The following LRRK2 variants were observed in gnomAD, a reference collection of about 807,000 sequenced individuals.
LRRK2 encodes leucine rich repeat kinase 2.
LRRK2 carries 203 observed loss-of-function variants against 302.6 expected under a neutral mutation model. The ratio of observed to expected loss-of-function variants is 0.67; its 90% CI spans 0.60 to 0.75. The LOEUF is 0.75. Among genes scored for constraint, LRRK2 ranks in the 30% least tolerant of loss-of-function variants. The pLI is 0.00. For synonymous variants in LRRK2, 1,066 were observed against 1,031.9 expected (o/e 1.03, Z -0.63); for missense variants, 2,830 against 2,951.0 (o/e 0.96, Z 0.95).
At chr12:40,292,028 A>C (rs997825540) in intron 20 of LRRK2, among the ~76,000 whole-genome samples, 1 of 152,086 alleles carries the variant, frequency 6.6e-6, no homozygotes, top group Non-Finnish European at 1.5e-5. Flanking sequence ...TTTCTAGCGC[A>C]GATCTTCCAG....
intron 4 of LRRK2, among the ~76,000 whole-genome samples, chr12:40,235,926 TTC>T (rs1941445189): frequency 6.6e-6 from 1 of 152,062 alleles, no homozygotes; most frequent in Admixed American, 6.5e-5. Context: ...CCAAAATTCT[TTC>T]TGTTTCCATC....
chr12:40,309,800 T>C (rs1157851786), intron 30 of LRRK2, among the ~76,000 whole-genome samples: 1 of 152,218 alleles, frequency 6.6e-6, no homozygotes, highest in Non-Finnish European at 1.5e-5. Context: ...GATGCTGCAA[T>C]GAACTCTTCT....
Position 40,257,387 on chromosome 12 carries a change from A to T in LRRK2, c.1418+10A>T. 1 of 1,611,428 alleles carries T rather than the reference A, an allele frequency of 6.2e-7. No homozygotes were observed. The highest frequency in any genetic ancestry group is 1.1e-5 in the South Asian group (1 of 91,044). On this transcript the variant is annotated intron_variant, in intron 12 of 50. Coordinates refer to ENST00000298910, the MANE Select transcript of LRRK2 (RefSeq NM_198578.4). Reference sequence around the variant, plus strand: ...ATCTTTTTGAAGGAAGGTAATATAGATTCATTAACTTGTACAGAATATATC... The same window carrying T: ...ATCTTTTTGAAGGAAGGTAATATAGTTTCATTAACTTGTACAGAATATATC...
intron 20 of LRRK2, among the ~76,000 whole-genome samples, chr12:40,292,123 C>CT (rs1944182247): frequency 1.3e-5 from 2 of 152,174 alleles, no homozygotes; most frequent in South Asian, 4.1e-4. Flanking sequence ...ATGTTGATCT[C>CT]TATCTCCTCA....
Position 40,322,186 on chromosome 12 carries a change from G to A in LRRK2, c.5317+5G>A, listed in dbSNP as rs766894342. 8.7e-6 allele frequency: 14 copies of A among 1,608,122 alleles called. No homozygotes were observed. The highest frequency in any genetic ancestry group is 1.3e-5 in the African/African-American group (1 of 74,480). On this transcript the variant is annotated splice_donor_5th_base_variant and intron_variant, in intron 36 of 50. Transcript: ENST00000298910. The stretch of plus-strand genomic sequence containing the variant: ...CAGTTCCTTCTTGTAGAAAAGGTAA[G>A]GAAATCAATTTGAATGTTTTCAATT...
At chr12:40,228,433 CTTTTTTT>C (rs35333613) in intron 2 of LRRK2, among the ~76,000 whole-genome samples, 1,222 of 19,368 alleles carry the variant, frequency 0.063, 29 homozygotes, top group Middle Eastern at 0.25. Flanking sequence ...AAAAATAAGA[CTTTTTTT>C]TTTTTTTTTT....
chr12:40,246,788 T>C (rs1413976318), intron 7 of LRRK2, among the ~76,000 whole-genome samples: 2 of 152,166 alleles, frequency 1.3e-5, no homozygotes, highest in Admixed American at 1.3e-4. Flanking sequence ...TGAAACTGGT[T>C]TGTTGAATGC....
intron 2 of LRRK2, 141 bp downstream of exon 2, chr12:40,225,781 G>A (rs910419502): frequency 3.4e-5 from 25 of 724,784 alleles, no homozygotes; most frequent in Middle Eastern, 4.6e-4. Flanking sequence ...TTTTAAGATG[G>A]GAATATTGTT....
At chr12:40,283,630 T>A (rs1205143199) in intron 18 of LRRK2, among the ~76,000 whole-genome samples, 1 of 152,218 alleles carries the variant, frequency 6.6e-6, no homozygotes, top group Non-Finnish European at 1.5e-5. Flanking sequence ...TTTGTCTCCA[T>A]ATAATGTTGT....
intron 39 of LRRK2, among the ~76,000 whole-genome samples, chr12:40,331,498 A>C (rs111608018): frequency 5.3e-4 from 81 of 152,204 alleles, no homozygotes; most frequent in Non-Finnish European, 1.1e-3. Flanking sequence ...AGGGTGTCCA[A>C]TCTTTTGGCT....
Position 40,328,498 on chromosome 12 carries a change from A to G in LRRK2, c.5757+38A>G, listed in dbSNP as rs1219281269. 8 of 1,428,130 alleles carry G rather than the reference A, an allele frequency of 5.6e-6. No individual in the cohort carries two copies. The African/African-American group carries it at 8.6e-5, about 15-fold the overall frequency. The allele number at this position is 1,428,130 out of a possible 1,614,324, so 88.5% of individuals were successfully genotyped here. On this transcript the variant is annotated intron_variant, in intron 39 of 50. Transcript: ENST00000298910. Reference sequence around the variant, plus strand: ...ATAATATAATTATATTAAATTGCACATTATTAATCTACTGGAACTCTTATT... The same window carrying G: ...ATAATATAATTATATTAAATTGCACGTTATTAATCTACTGGAACTCTTATT...
At chr12:40,352,674 T>C (rs1946392373) in intron 44 of LRRK2, among the ~76,000 whole-genome samples, 1 of 148,974 alleles carries the variant, frequency 6.7e-6, no homozygotes, top group South Asian at 2.2e-4. Context: ...TTAACGAGCA[T>C]GCTGCCTTCA....
At chr12:40,328,562 T>C in intron 39 of LRRK2, 102 bp downstream of exon 39, 1 of 872,018 alleles carries the variant, frequency 1.1e-6, no homozygotes, top group Non-Finnish European at 1.8e-6. Context: ...ATGACCACAT[T>C]TCTACTTAAG....
intron 45 of LRRK2, among the ~76,000 whole-genome samples, chr12:40,355,016 A>G (rs191562174): frequency 2.6e-5 from 4 of 152,174 alleles, no homozygotes; most frequent in Non-Finnish European, 4.4e-5. Flanking sequence ...ATATATCTAC[A>G]TAGCAAAATT....
rs1021943427 is a variant in LRRK2 at position 40,355,163 on chromosome 12, T to G, written c.6770+671T>G. Among the ~76,000 whole-genome samples the G allele has an allele frequency of 7.2e-5, 11 of 152,100 alleles. No homozygotes were observed. The East Asian group carries it at 1.9e-3, about 27-fold the overall frequency. ...AAGTACTAGAAAAATGTGAAGCCTGTTTTTTGTACCTGAAATATCAACTCC... is the reference window on the plus strand; with the variant it reads ...AAGTACTAGAAAAATGTGAAGCCTGGTTTTTGTACCTGAAATATCAACTCC... On this transcript the variant is annotated intron_variant, in intron 45 of 50. Transcript: ENST00000298910.
At chr12:40,342,786 A>G (rs1946084421) in intron 41 of LRRK2, among the ~76,000 whole-genome samples, 1 of 152,222 alleles carries the variant, frequency 6.6e-6, no homozygotes, top group South Asian at 2.1e-4. Flanking sequence ...GAGAAACAAA[A>G]GACGATGGAT....
Position 40,263,793 on chromosome 12 carries a change from G to A in LRRK2, c.1548G>A (p.Met516Ile). The A allele has an allele frequency of 2.5e-6, 4 of 1,608,188 alleles. No individual in the cohort carries two copies. Among genetic ancestry groups the A allele is most frequent in the Middle Eastern group, 1.7e-4 (1 of 5,986 alleles). The change falls in exon 14 of 51, where the codon ATG becomes ATA. Residue 516 changes from methionine (M) to isoleucine (I), a missense_variant. Transcript: ENST00000298910. ...RAILHFIVPGMPEESREDTEF... is the reference protein window; with the variant it reads ...RAILHFIVPGIPEESREDTEF... ...TTTATTTATCTGTGCATTTAGGCAT[G>A]CCAGAAGAATCCAGGGAGGATACAG...
chr12:40,237,554 C>T (rs994008090), intron 4 of LRRK2, among the ~76,000 whole-genome samples: 2 of 152,104 alleles, frequency 1.3e-5, no homozygotes, highest in Non-Finnish European at 2.9e-5. Flanking sequence ...AGGAAGATGA[C>T]TTAGGAGTTT....
chr12:40,288,287 C>A (rs970997822), intron 20 of LRRK2, among the ~76,000 whole-genome samples: 12 of 151,718 alleles, frequency 7.9e-5, no homozygotes, highest in Admixed American at 7.2e-4. Context: ...AAAATGCATT[C>A]ACTTTAAGTA....
Sources: gnomAD v4.1 joint callset for allele counts (sites outside exome capture counted in the v4.1 genomes callset) on GRCh38, gnomAD v4.1.1 for gene constraint, MANE v1.5 for transcripts, NCBI Gene and HGNC (gene_info 2026-07-23, HGNC 2026-07-21) for gene names.